The following FARP1 variants were observed in gnomAD, a reference collection of about 807,000 sequenced individuals.
FARP1 encodes FERM, ARHGEF and pleckstrin domain-containing protein 1.
FARP1 carries 52 observed loss-of-function variants against 128.8 expected under a neutral mutation model. That is an observed-to-expected ratio of 0.40 (90% CI 0.32 to 0.51). The LOEUF is 0.51. Among genes scored for constraint, FARP1 ranks in the 20% least tolerant of loss-of-function variants. The pLI is 0.45. For missense variants in FARP1, 1,333 were observed against 1,367.9 expected, an observed-to-expected ratio of 0.97 and a Z score of 0.40; for synonymous variants, 580 against 551.8, an observed-to-expected ratio of 1.05 and a Z score of -0.72.
intron 16 of FARP1, among the ~76,000 whole-genome samples, chr13:98,417,982 A>C (rs1388753539): frequency 6.6e-6 from 1 of 152,240 alleles, no homozygotes; most frequent in East Asian, 1.9e-4. Context: ...AGGAAGAGGT[A>C]ACCCAAATGT....
chr13:98,439,891 GCTGC>G, intron 21 of FARP1, 66 bp from the exon 22 acceptor site: 1 of 1,146,450 alleles, frequency 8.7e-7, no homozygotes. Context: ...AAGTTGCCTG[GCTGC>G]CAGCTCAGGG....
intron 16 of FARP1, among the ~76,000 whole-genome samples, chr13:98,423,945 A>G (rs1891685895): frequency 6.6e-6 from 1 of 152,178 alleles, no homozygotes; most frequent in South Asian, 2.1e-4. Flanking sequence ...CTGGGGGACC[A>G]TGGCCCTCCC....
intron 2 of FARP1, among the ~76,000 whole-genome samples, chr13:98,323,362 T>A (rs1382895589): frequency 6.6e-6 from 1 of 151,542 alleles, no homozygotes; most frequent in African/African-American, 2.4e-5. Flanking sequence ...GTTCAAGTGG[T>A]CTCTGTAATG....
At chr13:98,437,360 A>G (rs1892312465) in intron 19 of FARP1, among the ~76,000 whole-genome samples, 1 of 152,180 alleles carries the variant, frequency 6.6e-6, no homozygotes, top group South Asian at 2.1e-4. Context: ...GCAGGTGATC[A>G]GTGATTATCT....
chr13:98,202,163 CT>C (rs754649122), intron 1 of FARP1, among the ~76,000 whole-genome samples: 8 of 152,224 alleles, frequency 5.3e-5, no homozygotes, highest in Non-Finnish European at 1.2e-4. Context: ...CCAGCCTCCC[CT>C]GGGGCCAGCT....
chr13:98,234,138 G>C (rs1426961624), intron 2 of FARP1: 1 of 152,232 alleles, frequency 6.6e-6, no homozygotes, highest in Admixed American at 6.5e-5. Flanking sequence ...GCAGGTCAGC[G>C]TTTTCTTCAA....
At chr13:98,319,416 C>G (rs1886891087) in intron 2 of FARP1, among the ~76,000 whole-genome samples, 1 of 152,124 alleles carries the variant, frequency 6.6e-6, no homozygotes, top group African/African-American at 2.4e-5. Flanking sequence ...GTCAGGAGAT[C>G]GAGACCATCC....
intron 2 of FARP1, among the ~76,000 whole-genome samples, chr13:98,246,120 G>A (rs1166553771): frequency 3.5e-5 from 3 of 86,828 alleles, no homozygotes; most frequent in Admixed American, 1.7e-4. Flanking sequence ...TTTTTGAGAC[G>A]GAGTCTCGCT....
intron 3 of FARP1, among the ~76,000 whole-genome samples, chr13:98,347,867 T>C (rs185633065): frequency 1.2e-3 from 188 of 152,312 alleles, no homozygotes; most frequent in African/African-American, 4.4e-3. Flanking sequence ...CATTTCTCTG[T>C]GTGTGATGTG....
intron 1 of FARP1, among the ~76,000 whole-genome samples, chr13:98,168,294 A>C (rs1452909604): frequency 6.6e-6 from 1 of 152,254 alleles, no homozygotes; most frequent in Non-Finnish European, 1.5e-5. Flanking sequence ...ATATACCATA[A>C]CTAATTTTCC....
At chr13:98,395,768 C>T in intron 13 of FARP1, 2 of 415,746 alleles carry the variant, frequency 4.8e-6, no homozygotes, top group Admixed American at 4.1e-5. Context: ...GCAGACATCA[C>T]CTTTGATATG....
intron 2 of FARP1, among the ~76,000 whole-genome samples, chr13:98,241,147 C>T (rs1346095061): frequency 6.6e-6 from 1 of 152,156 alleles, no homozygotes; most frequent in Non-Finnish European, 1.5e-5. Flanking sequence ...CAAAAACTGG[C>T]CCTGGGAAGA....
At chr13:98,312,107 A>G (rs1185353363) in intron 2 of FARP1, among the ~76,000 whole-genome samples, 2 of 132,650 alleles carry the variant, frequency 1.5e-5, no homozygotes, top group Non-Finnish European at 3.1e-5. Context: ...TTGACCTCCC[A>G]AAGTGCTGGG....
At chr13:98,278,172 A>AGTGTGT (rs58097403) in intron 2 of FARP1, among the ~76,000 whole-genome samples, 3,203 of 149,934 alleles carry the variant, frequency 0.021, 112 homozygotes, top group African/African-American at 0.074. Flanking sequence ...TGAGTGAGTG[A>AGTGTGT]GTGTGTGTGT....
chr13:98,189,932 C>A (rs951461472), intron 1 of FARP1, among the ~76,000 whole-genome samples: 8 of 151,990 alleles, frequency 5.3e-5, no homozygotes, highest in African/African-American at 2.4e-5. Flanking sequence ...ACATTTTTAC[C>A]TTTTTCATGC....
intron 2 of FARP1, among the ~76,000 whole-genome samples, chr13:98,296,313 C>T (rs1370534328): frequency 6.6e-6 from 1 of 152,158 alleles, no homozygotes; most frequent in Non-Finnish European, 1.5e-5. Flanking sequence ...GCAGGTACAC[C>T]TTGCCGCCAG....
At chr13:98,180,614 T>G (rs889287352) in intron 1 of FARP1, among the ~76,000 whole-genome samples, 1 of 152,244 alleles carries the variant, frequency 6.6e-6, no homozygotes, top group African/African-American at 2.4e-5. Flanking sequence ...GTTTCAGCCT[T>G]CTTCCAAGTT....
At chr13:98,432,911 G>A (rs1370480088) in intron 18 of FARP1, 1 of 152,726 alleles carries the variant, frequency 6.5e-6, no homozygotes, top group East Asian at 1.9e-4. Flanking sequence ...AGGGCCGTGA[G>A]AGAGAAGTGG....
intron 1 of FARP1, among the ~76,000 whole-genome samples, chr13:98,181,020 A>G (rs1460465092): frequency 6.6e-6 from 1 of 152,084 alleles, no homozygotes; most frequent in Non-Finnish European, 1.5e-5. Context: ...TGATTCCTAC[A>G]AACAGAATTA....
Sources: allele counts gnomAD v4.1 joint callset (sites outside exome capture counted in the v4.1 genomes callset), GRCh38; gene constraint gnomAD v4.1.1; transcripts MANE v1.5; gene names NCBI Gene and HGNC (gene_info 2026-07-23, HGNC 2026-07-21).